Variants in TCF12 observed in about 807,000 individuals in gnomAD.
The protein encoded by TCF12 is DNA-binding protein HTF4.
Under a neutral mutation model 86.0 loss-of-function variants are expected in TCF12, and 45 were observed. The ratio of observed to expected loss-of-function variants is 0.52; its 90% confidence interval spans 0.41 to 0.67. The LOEUF is 0.67. Among genes scored for constraint, TCF12 ranks in the 30% least tolerant of loss-of-function variants. The pLI is 0.00. For synonymous variants in TCF12, 330 were observed against 299.6 expected (o/e 1.10, Z -1.05); for missense variants, 881 against 859.9 (o/e 1.02, Z -0.31).
At chr15:57,019,884 A>G (rs2065372263) in intron 3 of TCF12, among the ~76,000 whole-genome samples, 1 of 151,930 alleles carries the variant, frequency 6.6e-6, no homozygotes. Context: ...ACCTTTCATT[A>G]ATTTTCATTC....
chr15:57,264,982 G>A (rs1304582186), intron 18 of TCF12, among the ~76,000 whole-genome samples: 2 of 151,060 alleles, frequency 1.3e-5, no homozygotes, highest in Admixed American at 6.6e-5. Context: ...TGCCCACCTC[G>A]GCCTTCCAAA....
intron 8 of TCF12, among the ~76,000 whole-genome samples, chr15:57,228,418 T>G (rs1328491692): frequency 2.0e-5 from 3 of 151,370 alleles, no homozygotes; most frequent in African/African-American, 7.3e-5. Flanking sequence ...TATAGTAGGA[T>G]TTTTTTTTGC....
intron 8 of TCF12, among the ~76,000 whole-genome samples, chr15:57,199,667 G>A (rs929932291): frequency 2.0e-5 from 3 of 152,054 alleles, no homozygotes; most frequent in Admixed American, 6.6e-5. Flanking sequence ...TATTGTCTCA[G>A]GTATCTGGAA....
intron 6 of TCF12, among the ~76,000 whole-genome samples, chr15:57,182,138 C>A (rs1033089265): frequency 6.6e-6 from 1 of 152,042 alleles, no homozygotes. Flanking sequence ...GCCGGAGATA[C>A]CTCCAGGACA....
In TCF12 at chr15:57,111,115, C is replaced by T. The variant is rs549500914; in HGVS notation, c.325+19224C>T. Among the ~76,000 whole-genome samples the T allele has an allele frequency of 3.9e-5, 6 of 152,158 alleles. No individual in the cohort carries two copies. In the East Asian group the frequency reaches 1.2e-3, roughly 29 times the overall value. On this transcript the variant is annotated intron_variant, in intron 5 of 20. Coordinates refer to ENST00000333725, the MANE Select transcript of TCF12 (RefSeq NM_207037.2). The stretch of plus-strand genomic sequence containing the variant: ...TTTTTTGGCCTGCTGTGATCATACT[C>T]TGTTCTAGCTTTTTTCTTGTTTTAA...
At chr15:57,210,005 C>T (rs1471599385) in intron 8 of TCF12, among the ~76,000 whole-genome samples, 2 of 152,050 alleles carry the variant, frequency 1.3e-5, no homozygotes, top group African/African-American at 4.8e-5. Context: ...CTTTTGTGAC[C>T]ATCCTATATA....
chr15:57,148,877 A>G (rs1303967509), intron 5 of TCF12, among the ~76,000 whole-genome samples: 1 of 152,178 alleles, frequency 6.6e-6, no homozygotes, highest in African/African-American at 2.4e-5. Flanking sequence ...CCTCATCTCA[A>G]CAACAACAGA....
intron 5 of TCF12, among the ~76,000 whole-genome samples, chr15:57,144,348 C>T (rs1026849450): frequency 1.3e-5 from 2 of 152,142 alleles, no homozygotes; most frequent in South Asian, 2.1e-4. Context: ...ATAGATGATG[C>T]GTAGTACAAA....
At chr15:57,117,916 C>T (rs2050953265) in intron 5 of TCF12, among the ~76,000 whole-genome samples, 1 of 151,002 alleles carries the variant, frequency 6.6e-6, no homozygotes, top group African/African-American at 2.5e-5. Context: ...ATAGTCTGTC[C>T]ATAGAAATAT....
chr15:57,095,153 C>T (rs1048284649), intron 5 of TCF12, among the ~76,000 whole-genome samples: 1 of 152,042 alleles, frequency 6.6e-6, no homozygotes, highest in Admixed American at 6.6e-5. Context: ...ATCTTTTTGG[C>T]ACATCACTAG....
At position 56,935,706 on chromosome 15, in the gene TCF12, A is replaced by T. The variant is rs567603927; in HGVS notation, c.148+14608A>T. Among the ~76,000 whole-genome samples, 3 of 152,228 alleles carry T rather than the reference A, an allele frequency of 2.0e-5. No individual in the cohort carries two copies. The South Asian group carries it at 6.2e-4, about 32-fold the overall frequency. On this transcript the variant is annotated intron_variant, in intron 3 of 20. Coordinates refer to ENST00000333725, the MANE Select transcript of TCF12 (RefSeq NM_207037.2). ...GTATCTCATAGTTTAGCTCCTGCTT[A>T]TGAGTGAGAACATACGTTGTTTGGT... is the stretch of plus-strand genomic sequence containing the variant.
At chr15:57,247,595 A>T (rs1234604417) in intron 13 of TCF12, 3 of 833,784 alleles carry the variant, frequency 3.6e-6, no homozygotes, top group Non-Finnish European at 6.2e-6. Flanking sequence ...TGCGGTTTCA[A>T]TCTTGCCATA....
At chr15:57,053,851 C>G (rs1172597357) in intron 3 of TCF12, among the ~76,000 whole-genome samples, 1 of 152,138 alleles carries the variant, frequency 6.6e-6, no homozygotes, top group African/African-American at 2.4e-5. Context: ...TATTTTATGA[C>G]GAGGACGGCT....
chr15:57,022,879 G>A (rs1333637758), intron 3 of TCF12, among the ~76,000 whole-genome samples: 7 of 152,114 alleles, frequency 4.6e-5, no homozygotes, highest in Non-Finnish European at 1.0e-4. Context: ...CATGTGACTA[G>A]TAGAAGGAAA....
At chr15:57,123,592 C>T (rs2051393251) in intron 5 of TCF12, among the ~76,000 whole-genome samples, 1 of 151,548 alleles carries the variant, frequency 6.6e-6, no homozygotes, top group African/African-American at 2.4e-5. Flanking sequence ...CAGCTCACTG[C>T]AACCTCAGCC....
At chr15:57,008,134 T>C (rs1168310350) in intron 3 of TCF12, among the ~76,000 whole-genome samples, 1 of 150,594 alleles carries the variant, frequency 6.6e-6, no homozygotes, top group Non-Finnish European at 1.5e-5. Context: ...CTGATTTCTT[T>C]TTTTTTTTTT....
chr15:57,157,067 G>A (rs539120450), intron 5 of TCF12, among the ~76,000 whole-genome samples: 4 of 152,172 alleles, frequency 2.6e-5, no homozygotes, highest in African/African-American at 4.8e-5. Flanking sequence ...AAATTATTTG[G>A]TGATGTGATT....
chr15:56,953,686 AT>A (rs1226063930), intron 3 of TCF12, among the ~76,000 whole-genome samples: 1 of 152,054 alleles, frequency 6.6e-6, no homozygotes, highest in Non-Finnish European at 1.5e-5. Context: ...TTTATATCAT[AT>A]AAGTTGTCGA....
intron 5 of TCF12, among the ~76,000 whole-genome samples, chr15:57,156,054 A>G (rs1360340339): frequency 6.6e-6 from 1 of 152,224 alleles, no homozygotes; most frequent in Non-Finnish European, 1.5e-5. Context: ...AATTTTAAAT[A>G]TACTGACTTC....
Sources: gnomAD v4.1 joint callset for allele counts (sites outside exome capture counted in the v4.1 genomes callset) on GRCh38, gnomAD v4.1.1 for gene constraint, MANE v1.5 for transcripts, NCBI Gene and HGNC (gene_info 2026-07-23, HGNC 2026-07-21) for gene names.